Variants in OTOF observed in about 807,000 individuals in gnomAD.
The protein encoded by OTOF is otoferlin.
In OTOF, 218 loss-of-function variants were observed where a neutral mutation model predicts 236.8. The ratio of observed to expected loss-of-function variants is 0.92; its 90% CI spans 0.82 to 1.03. OTOF has a LOEUF of 1.03. Ranked by LOEUF, OTOF falls within the 50% of genes least tolerant of loss-of-function variation. OTOF has a pLI of 0.00. For missense variants in OTOF, 2,590 were observed against 2,694.4 expected, an observed-to-expected ratio of 0.96 and a Z score of 0.86; for synonymous variants, 1,041 against 1,072.5, an observed-to-expected ratio of 0.97 and a Z score of 0.57.
chr2:26,506,732 ACT>A (rs1666258143), intron 5 of OTOF, among the ~76,000 whole-genome samples: 1 of 152,154 alleles, frequency 6.6e-6, no homozygotes, highest in South Asian at 2.1e-4. Context: ...CGGTGCGGTG[ACT>A]CACACCTGTA....
Position 26,558,474 on chromosome 2 carries a change from G to A in OTOF, c.79+19C>T. On this transcript the variant is annotated intron_variant, in intron 1 of 46. Transcript: ENST00000272371. The stretch of plus-strand genomic sequence containing the variant: ...CAGCTCTCAGAGCTGGCGTCCCTCT[G>A]AGACAGCGGCTTCCCTACCTCGGAA... The A allele has an allele frequency of 1.2e-6, 2 of 1,610,888 alleles. No individual in the cohort carries two copies. The highest frequency in any genetic ancestry group is 1.7e-6 in the Non-Finnish European group (2 of 1,177,218).
rs1558464965 is a variant in OTOF at position 26,460,746 on chromosome 2, C to A, written c.5714G>T (p.Gly1905Val). ...TAAATGCAGCTCAGCCTCCACCTTG[C>A]CCTGCAGAGGACAGACAGGTCCCAG... ...RNENDEFELT[G>V]KVEAELHLLT... is the part of the protein sequence containing the mutation. Residue 1905 changes from glycine to valine, a missense_variant and splice_region_variant, in exon 45 of 47, where the codon GGC (glycine) becomes GTC (valine). Physicochemically the swap from Gly to Val is moderately radical, Grantham distance 109. Around this residue, in one of 2 missense-constraint regions of OTOF, gnomAD observed 1,211 missense variants for 1,352.8 expected, o/e 0.90. Transcript: ENST00000272371. The surrounding 1 kb of genome is among the most constrained non-coding windows in gnomAD (Gnocchi z 5.3). The A allele has an allele frequency of 6.2e-7, 1 of 1,613,992 alleles. No individual in the cohort carries two copies. The highest frequency in any genetic ancestry group is 1.1e-5 in the South Asian group (1 of 91,058).
In OTOF at chr2:26,477,967, C is replaced by T; in HGVS notation, c.2215-218G>A. On this transcript the variant is annotated intron_variant, in intron 18 of 46. Transcript: ENST00000272371. This position sits in a 1 kb window ranked among gnomAD's most constrained non-coding sequence, Gnocchi z 4.7. ...TGGTGTTCATGGGGGTTCTTCAGTT[C>T]CTGAAGGAAGAAGCCACCTCTGGGC... The T allele has an allele frequency of 6.8e-7, 1 of 1,467,100 alleles. No individual in the cohort carries two copies. Among genetic ancestry groups the T allele is most frequent in the South Asian group, 1.5e-5 (1 of 68,582 alleles). 90.9% of individuals were successfully genotyped at this position (1,467,100 alleles called of 1,614,324 possible). A position where few individuals can be genotyped will look rare whatever the true frequency, so the allele number is the denominator to read the frequency against.
At chr2:26,475,870 G>T (rs2148047216) in intron 24 of OTOF, 44 bp downstream of exon 24, 1 of 1,565,796 alleles carries the variant, frequency 6.4e-7, no homozygotes. Context: ...ACAGGCTTCT[G>T]GTGCTCTCAA....
intron 13 of OTOF, among the ~76,000 whole-genome samples, chr2:26,483,228 T>C (rs566971670): frequency 6.6e-6 from 1 of 152,186 alleles, no homozygotes; most frequent in East Asian, 1.9e-4. Flanking sequence ...TGCCTGTGTG[T>C]GGACTTGTCT....
chr2:26,465,132 T>A, intron 38 of OTOF, 103 bp from the exon 39 acceptor site: 2 of 1,013,018 alleles, frequency 2.0e-6, no homozygotes, highest in Non-Finnish European at 2.8e-6. Flanking sequence ...GTTGCCCTCA[T>A]CAGCAAGTGA....
At chr2:26,544,853 C>T (rs1301620573) in intron 1 of OTOF, among the ~76,000 whole-genome samples, 2 of 151,072 alleles carry the variant, frequency 1.3e-5, no homozygotes, top group African/African-American at 4.9e-5. Context: ...ATGGCTAACA[C>T]GGTGAAACCC....
At chr2:26,466,339 CTT>C (rs989579570) in intron 36 of OTOF, 9 of 499,340 alleles carry the variant, frequency 1.8e-5, no homozygotes, top group Non-Finnish European at 2.5e-5. Flanking sequence ...GCTTCTTCTT[CTT>C]TTTTTTTTCC....
intron 8 of OTOF, among the ~76,000 whole-genome samples, chr2:26,496,287 T>C (rs1178921879): frequency 2.7e-5 from 4 of 149,068 alleles, no homozygotes; most frequent in Non-Finnish European, 4.4e-5. Flanking sequence ...AGGCCTGGAG[T>C]GCAGTGGCAT....
chr2:26,492,257 T>C (rs1665867159), intron 9 of OTOF, among the ~76,000 whole-genome samples: 2 of 152,182 alleles, frequency 1.3e-5, no homozygotes, highest in African/African-American at 4.8e-5. Context: ...TATTGGCATC[T>C]ACTGGGTAGA....
At chr2:26,534,724 G>A (rs1667028149) in intron 2 of OTOF, among the ~76,000 whole-genome samples, 2 of 152,174 alleles carry the variant, frequency 1.3e-5, no homozygotes, top group South Asian at 4.1e-4. Context: ...TTTTACAGAA[G>A]GGGAATCCAA....
intron 1 of OTOF, among the ~76,000 whole-genome samples, chr2:26,542,077 C>T (rs892540632): frequency 6.6e-6 from 1 of 152,246 alleles, no homozygotes; most frequent in Non-Finnish European, 1.5e-5. Flanking sequence ...CACGACAGAT[C>T]TTCTCCAAAT....
Position 26,479,746 on chromosome 2 carries a change from G to T in OTOF, c.1913-93C>A, listed in dbSNP as rs547797265. ...GGTGCTGCCTTGGGTTTGGGAAAGGGGAGAGGGAGAGTCAGGGAATGGGGC... is the reference window on the plus strand; with the variant it reads ...GGTGCTGCCTTGGGTTTGGGAAAGGTGAGAGGGAGAGTCAGGGAATGGGGC... On this transcript the variant is annotated intron_variant, in intron 16 of 46. Coordinates refer to ENST00000272371, the MANE Select transcript of OTOF (RefSeq NM_194248.3). The T allele has an allele frequency of 8.8e-5, 110 of 1,255,094 alleles. 1 individual carries two copies. In the South Asian group the frequency reaches 1.3e-3, roughly 15 times the overall value. The allele number at this position is 1,255,094 out of a possible 1,614,324, so 77.7% of individuals were successfully genotyped here.
intron 16 of OTOF, 75 bp downstream of exon 16, chr2:26,480,128 C>G (rs994065747): frequency 3.5e-6 from 3 of 855,224 alleles, no homozygotes; most frequent in Non-Finnish European, 6.1e-6. Flanking sequence ...CACTTACCAC[C>G]TGCAGCCTAG....
At position 26,458,141 on chromosome 2, in the gene OTOF, G is replaced by A. The variant is rs773803087; in HGVS notation, c.*97C>T. The stretch of plus-strand genomic sequence containing the variant: ...AGCGCCAGCACGATCTTGATGATGA[G>A]CCACTTGTACCGGGTGCAGATGAGG... On this transcript the variant is annotated 3_prime_UTR_variant, in exon 47 of 47. Transcript: ENST00000272371. The A allele has an allele frequency of 1.9e-6, 3 of 1,614,140 alleles. No homozygotes were observed. Among genetic ancestry groups the A allele is most frequent in the South Asian group, 2.2e-5 (2 of 91,084 alleles).
At chr2:26,522,715 G>A (rs888987665) in intron 3 of OTOF, among the ~76,000 whole-genome samples, 1 of 152,214 alleles carries the variant, frequency 6.6e-6, no homozygotes, top group Non-Finnish European at 1.5e-5. Context: ...GCACTGGCCC[G>A]GGTGTCAGGA....
At chr2:26,526,703 A>T (rs1666814525) in intron 3 of OTOF, among the ~76,000 whole-genome samples, 1 of 152,116 alleles carries the variant, frequency 6.6e-6, no homozygotes, top group Admixed American at 6.5e-5. Context: ...GGAGTGCTTT[A>T]ATTCTATTAG....
At chr2:26,513,453 C>T (rs768104695) in intron 5 of OTOF, among the ~76,000 whole-genome samples, 3 of 152,074 alleles carry the variant, frequency 2.0e-5, no homozygotes, top group East Asian at 1.9e-4. Flanking sequence ...CTGGGCTGCC[C>T]GGGGCCTGTC....
chr2:26,472,119 C>G (rs1665010298), intron 30 of OTOF, among the ~76,000 whole-genome samples: 1 of 151,452 alleles, frequency 6.6e-6, no homozygotes, highest in South Asian at 2.1e-4. Context: ...ATGTGCACAC[C>G]ACACGCACGC....
Sources: allele counts gnomAD v4.1 joint callset (sites outside exome capture counted in the v4.1 genomes callset), GRCh38; gene constraint gnomAD v4.1.1; regional missense constraint gnomAD v4.1.1; non-coding constraint Gnocchi (gnomAD v3.1); transcripts MANE v1.5; gene names NCBI Gene and HGNC (gene_info 2026-07-23, HGNC 2026-07-21).